The following KDM6A variants were observed in gnomAD, a reference collection of about 807,000 sequenced individuals.
The protein encoded by KDM6A is lysine-specific demethylase 6A.
KDM6A carries 11 observed loss-of-function variants against 117.6 expected under a neutral mutation model. That is an observed-to-expected ratio of 0.09 (90% CI 0.06 to 0.15). The LOEUF (loss-of-function observed/expected upper bound fraction) is 0.15, where lower values mean the gene tolerates loss of function less well. Ranked by LOEUF, KDM6A falls within the 10% of genes least tolerant of loss-of-function variation. KDM6A has a pLI of 1.00. For missense variants in KDM6A, 799 were observed against 1,077.3 expected (o/e 0.74, Z 3.62); for synonymous variants, 384 against 396.1 (o/e 0.97, Z 0.36).
chrX:45,081,783 A>T (rs1444396792), intron 21 of KDM6A, among the ~76,000 whole-genome samples: 1 of 109,053 alleles, frequency 9.2e-6, no homozygotes, highest in East Asian at 2.9e-4. Flanking sequence ...TTTATTTTTT[A>T]TTTTTTATTT....
intron 2 of KDM6A, among the ~76,000 whole-genome samples, chrX:44,950,592 GTGTGTGTGTGTC>G (rs1480338102): frequency 3.6e-5 from 4 of 110,693 alleles, no homozygotes; most frequent in African/African-American, 9.9e-5. Flanking sequence ...GAGTGTGTGT[GTGTGTGTGTGTC>G]TGTGTGTGTG....
At chrX:44,933,410 T>C (rs1241099318) in intron 2 of KDM6A, among the ~76,000 whole-genome samples, 1 of 104,428 alleles carries the variant, frequency 9.6e-6, no homozygotes, top group Non-Finnish European at 1.9e-5. Context: ...TGGGACTGAC[T>C]ACAGGCGCCT....
chrX:45,084,433 G>T (rs1359524139), intron 24 of KDM6A, among the ~76,000 whole-genome samples: 1 of 111,467 alleles, frequency 9.0e-6, no homozygotes, highest in Non-Finnish European at 1.9e-5. Flanking sequence ...GGGGCTGCAG[G>T]TCTCCCTCAG....
In KDM6A at chrX:45,063,738, T is replaced by C. The variant is rs2044404907; in HGVS notation, c.2000T>C (p.Leu667Pro). The C allele has an allele frequency of 8.3e-7, 1 of 1,207,250 alleles. No homozygotes were observed. The highest frequency in any genetic ancestry group is 1.1e-6 in the Non-Finnish European group (1 of 892,838). ...GTGCCTTACCTGCAGCGAAACGCAC[T>C]CACTCTACCTCATAACCGCACAAAC... is the stretch of plus-strand genomic sequence containing the variant. ...GNVPYLQRNA[L>P]TLPHNRTNLT... Residue 667 changes from leucine (L) to proline (P), a missense_variant, in exon 17 of 30, where the codon CTC becomes CCC. This residue lies in a region of KDM6A where 301 missense variants were observed against 318.3 expected (regional missense o/e 0.95). Transcript: ENST00000611820.
chrX:45,100,035 A>G (rs935615273), intron 27 of KDM6A, among the ~76,000 whole-genome samples: 1 of 107,791 alleles, frequency 9.3e-6, no homozygotes, highest in African/African-American at 3.3e-5. Context: ...CTCTGTCTCA[A>G]AAAAAAAAAA....
At chrX:44,998,049 A>C (rs1032083658) in intron 4 of KDM6A, among the ~76,000 whole-genome samples, 1 of 111,714 alleles carries the variant, frequency 9.0e-6, no homozygotes, top group Admixed American at 9.5e-5. Flanking sequence ...TTTTCAGAGG[A>C]GTTTAAAATA....
intron 8 of KDM6A, among the ~76,000 whole-genome samples, chrX:45,049,660 G>A (rs2043746072): frequency 4.5e-5 from 5 of 111,772 alleles, no homozygotes; most frequent in Admixed American, 3.8e-4. Flanking sequence ...TACATTACTT[G>A]AAATCATTCA....
chrX:44,969,530 G>A (rs1205587489), intron 3 of KDM6A, among the ~76,000 whole-genome samples: 1 of 100,504 alleles, frequency 9.9e-6, no homozygotes, highest in Non-Finnish European at 2.0e-5. Context: ...CCATTCTCCT[G>A]CCTCAGCCTC....
At chrX:44,874,867 A>G (rs900205239) in intron 2 of KDM6A, among the ~76,000 whole-genome samples, 4 of 111,279 alleles carry the variant, frequency 3.6e-5, no homozygotes, top group African/African-American at 1.3e-4. Flanking sequence ...TGTGTAGCTC[A>G]GTGGTGTTTA....
At chrX:44,882,689 TTAAA>T (rs1162232119) in intron 2 of KDM6A, among the ~76,000 whole-genome samples, 2 of 112,356 alleles carry the variant, frequency 1.8e-5, no homozygotes, top group Non-Finnish European at 3.8e-5. Context: ...GATACAGTAG[TTAAA>T]TAAATATTTT....
intron 27 of KDM6A, among the ~76,000 whole-genome samples, chrX:45,104,314 C>T (rs1370515200): frequency 1.8e-5 from 2 of 112,811 alleles, no homozygotes; most frequent in Non-Finnish European, 3.8e-5. Context: ...CGAGCCACCG[C>T]GCCCAGCCCT....
intron 2 of KDM6A, among the ~76,000 whole-genome samples, chrX:44,880,541 A>T (rs2032178824): frequency 9.2e-6 from 1 of 108,912 alleles, no homozygotes; most frequent in African/African-American, 3.4e-5. Context: ...CTGTAATCCC[A>T]GCACTTTGGG....
rs2046712711 is a variant in KDM6A, at chrX:45,110,149, A to G, written c.4232A>G (p.Gln1411Arg). 1 of 1,210,219 alleles carries G rather than the reference A, an allele frequency of 8.3e-7. No homozygotes were observed. Among genetic ancestry groups the G allele is most frequent in the Non-Finnish European group, 1.1e-6 (1 of 894,115 alleles). Residue 1411 changes from glutamine (Q) to arginine (R), a missense_variant, in exon 29 of 30, where the codon CAA becomes CGA. Around this residue, in one of 8 missense-constraint regions of KDM6A, gnomAD observed 291 missense variants for 437.9 expected, o/e 0.66. Transcript: ENST00000611820. ...CGAAAGACCTACATAGTACATTGCC[A>G]AGATTGTGCACGAAAAACAAGCGGA... Reference protein sequence around the residue: ...NSRKTYIVHCQDCARKTSGNL... With the variant: ...NSRKTYIVHCRDCARKTSGNL...
chrX:44,895,398 C>T (rs2033753021), intron 2 of KDM6A, among the ~76,000 whole-genome samples: 1 of 108,325 alleles, frequency 9.2e-6, no homozygotes, highest in Non-Finnish European at 1.9e-5. Context: ...GATTACAGAC[C>T]ATGAGCCACC....
At chrX:44,917,463 T>G (rs1216038398) in intron 2 of KDM6A, among the ~76,000 whole-genome samples, 1 of 111,971 alleles carries the variant, frequency 8.9e-6, no homozygotes, top group Non-Finnish European at 1.9e-5. Context: ...ATAACAGATG[T>G]GTTATATCTG....
intron 8 of KDM6A, among the ~76,000 whole-genome samples, chrX:45,038,308 A>G (rs1250391792): frequency 8.9e-6 from 1 of 111,810 alleles, no homozygotes. Context: ...TCTTGATGCC[A>G]GATGCCTTCC....
chrX:44,896,913 G>T (rs2033915213), intron 2 of KDM6A, among the ~76,000 whole-genome samples: 1 of 109,186 alleles, frequency 9.2e-6, no homozygotes, highest in South Asian at 3.8e-4. Flanking sequence ...AGATTTTTTT[G>T]TCTTTAGTTT....
chrX:45,013,121 T>C (rs1021804624), intron 5 of KDM6A, among the ~76,000 whole-genome samples: 3 of 111,410 alleles, frequency 2.7e-5, no homozygotes, highest in Admixed American at 9.5e-5. Flanking sequence ...ATTTTGTAGA[T>C]GGAGAAAGCA....
At chrX:45,010,545 G>GT (rs1455124704) in intron 4 of KDM6A, among the ~76,000 whole-genome samples, 5 of 110,994 alleles carry the variant, frequency 4.5e-5, no homozygotes, top group African/African-American at 1.6e-4. Context: ...TTTGTTTTAG[G>GT]TTTATACTGT....
Sources: gnomAD v4.1 joint callset for allele counts (sites outside exome capture counted in the v4.1 genomes callset) on GRCh38, gnomAD v4.1.1 for gene constraint, gnomAD v4.1.1 regional missense constraint, MANE v1.5 for transcripts, NCBI Gene and HGNC (gene_info 2026-07-23, HGNC 2026-07-21) for gene names.